RSRC1: variants seen among roughly 807,000 people sequenced by gnomAD.
RSRC1 encodes the protein serine/Arginine-related protein 53.
A neutral mutation model predicts 49.1 loss-of-function variants in RSRC1; 39 were observed. That is an observed-to-expected ratio of 0.79 (90% CI 0.61 to 1.04). The LOEUF is 1.04. RSRC1 is among the 50% of genes least tolerant of loss of function. The pLI, the probability that RSRC1 is intolerant of heterozygous loss-of-function variation, is 0.00. For synonymous variants in RSRC1, 143 were observed against 130.8 expected, an observed-to-expected ratio of 1.09 and a Z score of -0.63; for missense variants, 388 against 402.4, an observed-to-expected ratio of 0.96 and a Z score of 0.31.
intron 3 of RSRC1, among the ~76,000 whole-genome samples, chr3:158,170,511 C>T (rs917439056): frequency 3.9e-5 from 6 of 152,148 alleles, no homozygotes; most frequent in African/African-American, 7.2e-5. Flanking sequence ...AATGCTGGAC[C>T]GAATACTAGC....
chr3:158,457,426 T>C (rs571989369), intron 6 of RSRC1, among the ~76,000 whole-genome samples: 44 of 152,270 alleles, frequency 2.9e-4, no homozygotes, highest in Non-Finnish European at 5.9e-4. Context: ...GTTTGAGAGA[T>C]AGATTGTGAG....
chr3:158,119,736 A>C (rs1316192238), intron 1 of RSRC1, among the ~76,000 whole-genome samples: 1 of 151,900 alleles, frequency 6.6e-6, no homozygotes, highest in African/African-American at 2.4e-5. Context: ...ATGTATGTAC[A>C]GATATACCTT....
At chr3:158,376,005 C>A (rs1277967736) in intron 6 of RSRC1, among the ~76,000 whole-genome samples, 1 of 128,562 alleles carries the variant, frequency 7.8e-6, no homozygotes, top group Non-Finnish European at 1.5e-5. Flanking sequence ...TTTCTGAATT[C>A]TCTTTTTAAG....
chr3:158,375,235 G>A (rs1321354982), intron 6 of RSRC1, among the ~76,000 whole-genome samples: 1 of 150,796 alleles, frequency 6.6e-6, no homozygotes, highest in Non-Finnish European at 1.5e-5. Context: ...TCACTCTATT[G>A]TCTAGGCTGG....
rs200626818 is a variant in RSRC1 at position 158,445,334 on chromosome 3, G to A, written c.584-15601G>A. Reference sequence around the variant, plus strand: ...AAATACTATGCAGCCATAAAAAAGGGTGAGTTCATGTCCTTTGTAGGGACA... The same window carrying A: ...AAATACTATGCAGCCATAAAAAAGGATGAGTTCATGTCCTTTGTAGGGACA... On this transcript the variant is annotated intron_variant, in intron 6 of 9. Coordinates refer to ENST00000611884, the MANE Select transcript of RSRC1 (RefSeq NM_001271838.2). Among the ~76,000 whole-genome samples the A allele has an allele frequency of 3.5e-3, 532 of 152,140 alleles. 4 individuals carry two copies. The highest frequency in any genetic ancestry group is 0.012 in the African/African-American group (502 of 41,512).
intron 6 of RSRC1, among the ~76,000 whole-genome samples, chr3:158,419,276 T>G (rs1734911823): frequency 6.6e-6 from 1 of 151,962 alleles, no homozygotes; most frequent in Admixed American, 6.6e-5. Flanking sequence ...TCTTCCTGAT[T>G]AGTACTTATG....
chr3:158,202,293 G>A (rs1404468237), intron 3 of RSRC1, among the ~76,000 whole-genome samples: 2 of 152,014 alleles, frequency 1.3e-5, no homozygotes, highest in Non-Finnish European at 2.9e-5. Flanking sequence ...GGGATTACAG[G>A]CGTCAGCTGC....
In RSRC1 at chr3:158,455,979, CAAAAAAAAAAAAAAAA is replaced by C. The variant is rs765828003; in HGVS notation, c.584-4936_584-4921del. On this transcript the variant is annotated intron_variant, in intron 6 of 9. Coordinates refer to ENST00000611884, the MANE Select transcript of RSRC1 (RefSeq NM_001271838.2). Reference sequence around the variant, plus strand: ...TGGGGGACAGAGCAAGACTCCATCTCAAAAAAAAAAAAAAAAAAAAAAAAAAAAAAAAAAAGGAGCA... The same window carrying C: ...TGGGGGACAGAGCAAGACTCCATCTCAAAAAAAAAAAAAAAAAAAGGAGCA... Among the ~76,000 whole-genome samples the C allele has an allele frequency of 8.0e-3, 454 of 56,524 alleles. 1 individual carries two copies. Among genetic ancestry groups the C allele is most frequent in the African/African-American group, 0.017 (352 of 20,982 alleles). The allele number at this position is 56,524 out of a possible 152,430, so 37.1% of individuals were successfully genotyped here.
intron 3 of RSRC1, among the ~76,000 whole-genome samples, chr3:158,197,684 A>G (rs1364026089): frequency 6.6e-6 from 1 of 152,054 alleles, no homozygotes; most frequent in Admixed American, 6.6e-5. Context: ...AGATTCTGGT[A>G]TATTATGTCT....
Position 158,369,360 on chromosome 3 carries a change from T to G in RSRC1, c.583+14452T>G, listed in dbSNP as rs745730185. Among the ~76,000 whole-genome samples, 45 of 152,126 alleles carry G rather than the reference T, an allele frequency of 3.0e-4. 1 individual carries two copies. The highest frequency in any genetic ancestry group is 4.7e-4 in the Non-Finnish European group (32 of 67,982). ...GTCACCTGTCTTCCTATGAGCCATTTTTCCTTTTAGGGGAAAATGATGAAT... is the reference window on the plus strand; with the variant it reads ...GTCACCTGTCTTCCTATGAGCCATTGTTCCTTTTAGGGGAAAATGATGAAT... On this transcript the variant is annotated intron_variant, in intron 6 of 9. Coordinates refer to ENST00000611884, the MANE Select transcript of RSRC1 (RefSeq NM_001271838.2).
intron 2 of RSRC1, 57 bp downstream of exon 2, chr3:158,122,355 T>A (rs927737937): frequency 8.2e-7 from 1 of 1,221,918 alleles, no homozygotes; most frequent in Non-Finnish European, 1.1e-6. Context: ...TTAAAATTCA[T>A]GTTTTTGTAT....
chr3:158,170,626 C>T (rs781177121), intron 3 of RSRC1, among the ~76,000 whole-genome samples: 3 of 152,094 alleles, frequency 2.0e-5, no homozygotes, highest in African/African-American at 7.2e-5. Flanking sequence ...TTTATTTCCT[C>T]TTTGCTGTCC....
At chr3:158,283,125 C>T (rs986427727) in intron 4 of RSRC1, among the ~76,000 whole-genome samples, 2 of 151,630 alleles carry the variant, frequency 1.3e-5, no homozygotes, top group African/African-American at 2.4e-5. Flanking sequence ...TATTAAATTA[C>T]GTAGATGGTA....
chr3:158,212,029 A>G lies in RSRC1; in HGVS notation c.494+8784A>G, dbSNP rs78078141. ...TTCATTTATTTTGTAAAGTATTCCT[A>G]ACTCCTCAAGAGTGTGCTGAGTACC... On this transcript the variant is annotated intron_variant, in intron 4 of 9. Transcript: ENST00000611884. 1.8e-4 allele frequency among the ~76,000 whole-genome samples: 28 copies of G among 151,944 alleles called. No homozygotes were observed. In the East Asian group the frequency reaches 3.1e-3, roughly 17 times the overall value.
chr3:158,412,648 G>T (rs1300614871), intron 6 of RSRC1, among the ~76,000 whole-genome samples: 1 of 152,020 alleles, frequency 6.6e-6, no homozygotes, highest in African/African-American at 2.4e-5. Context: ...TTTCTTAAAG[G>T]GTTAAGATAA....
intron 6 of RSRC1, among the ~76,000 whole-genome samples, chr3:158,399,541 C>A (rs1733793442): frequency 6.6e-6 from 1 of 152,032 alleles, no homozygotes; most frequent in Admixed American, 6.6e-5. Context: ...AGGGCCAGAG[C>A]TGGTGTTAGC....
intron 1 of RSRC1, among the ~76,000 whole-genome samples, chr3:158,117,797 ATTC>A: frequency 6.6e-6 from 1 of 151,562 alleles, no homozygotes; most frequent in Non-Finnish European, 1.5e-5. Flanking sequence ...GAGCTTTTCT[ATTC>A]TTTTTTTTTT....
At chr3:158,379,892 T>G (rs1357431428) in intron 6 of RSRC1, among the ~76,000 whole-genome samples, 1 of 151,826 alleles carries the variant, frequency 6.6e-6, no homozygotes, top group Non-Finnish European at 1.5e-5. Flanking sequence ...TACCACTGTT[T>G]CCATCTCTAG....
At chr3:158,424,952 T>G (rs1161269739) in intron 6 of RSRC1, among the ~76,000 whole-genome samples, 1 of 151,542 alleles carries the variant, frequency 6.6e-6, no homozygotes, top group African/African-American at 2.4e-5. Flanking sequence ...TTATTGCGTC[T>G]ATTTGATTCT....
Sources: allele counts gnomAD v4.1 joint callset (sites outside exome capture counted in the v4.1 genomes callset), GRCh38; gene constraint gnomAD v4.1.1; transcripts MANE v1.5; gene names NCBI Gene and HGNC (gene_info 2026-07-23, HGNC 2026-07-21).